The following AQR variants were observed in gnomAD, a reference collection of about 807,000 sequenced individuals.
The protein encoded by AQR is RNA helicase aquarius.
A neutral mutation model predicts 180.5 loss-of-function variants in AQR; 61 were observed. The observed-to-expected ratio is 0.34, with a 90% confidence interval of 0.28 to 0.42. The LOEUF (loss-of-function observed/expected upper bound fraction) is 0.42, where lower values mean the gene tolerates loss of function less well. Among genes scored for constraint, AQR ranks in the 10% least tolerant of loss-of-function variants. The pLI is 1.00. For synonymous variants in AQR, 551 were observed against 588.8 expected (o/e 0.94, Z 0.93); for missense variants, 1,281 against 1,798.3 (o/e 0.71, Z 5.20).
In AQR at chr15:34,894,393, A is replaced by G. The variant is rs79965348; in HGVS notation, c.2461-620T>C. On this transcript the variant is annotated intron_variant, in intron 22 of 34. Coordinates refer to ENST00000156471, the MANE Select transcript of AQR (RefSeq NM_014691.3). ...GGAAGAACTATCAACCCACAATTCT[A>G]TCTCCAGGTAAAATATCTTTTAAGA... Among the ~76,000 whole-genome samples the G allele has an allele frequency of 9.3e-3, 1,414 of 152,292 alleles. 22 individuals carry two copies. The highest frequency in any genetic ancestry group is 0.032 in the African/African-American group (1,349 of 41,554).
chr15:34,866,935 A>AAAGTAAT (rs1892744620), intron 32 of AQR, among the ~76,000 whole-genome samples: 1 of 152,138 alleles, frequency 6.6e-6, no homozygotes, highest in African/African-American at 2.4e-5. Context: ...GTAATAAAAT[A>AAAGTAAT]AACTCTCCTT....
rs376525584 is a variant in AQR at position 34,886,591 on chromosome 15, T to C, written c.2752A>G (p.Ser918Gly). The C allele has an allele frequency of 5.0e-6, 8 of 1,613,932 alleles. No homozygotes were observed. Among genetic ancestry groups the C allele is most frequent in the Non-Finnish European group, 6.8e-6 (8 of 1,179,984 alleles). ...LLEEVKRLQK[S>G]LGVPGDASYT... ...GAGGCATCTCCTGGAACCCCTAGAC[T>C]CTTTTGCAATCGTTTGACTTCTTCT... Residue 918 changes from serine (S) to glycine (G), a missense_variant, in exon 25 of 35, where the codon AGT becomes GGT. Transcript: ENST00000156471.
At chr15:34,857,203 G>T (rs1892599080) in intron 34 of AQR, 97 bp from the exon 35 acceptor site, 1 of 1,203,680 alleles carries the variant, frequency 8.3e-7, no homozygotes, top group Non-Finnish European at 1.1e-6. Flanking sequence ...CCAAAACAGT[G>T]CTGACCATTT....
chr15:34,922,347 T>G (rs190249514), intron 13 of AQR, among the ~76,000 whole-genome samples: 5 of 152,298 alleles, frequency 3.3e-5, no homozygotes, highest in African/African-American at 1.2e-4. Flanking sequence ...TACATATTTT[T>G]GTGTGAACAT....
intron 24 of AQR, 103 bp downstream of exon 24, chr15:34,890,112 G>A: frequency 1.0e-6 from 1 of 991,324 alleles, no homozygotes; most frequent in Non-Finnish European, 1.5e-6. Flanking sequence ...GAACCTTTCA[G>A]AATTAAGTTT....
In AQR at chr15:34,882,586, A is replaced by T; in HGVS notation, c.3081T>A (p.Leu1027=). Residue 1027 remains leucine, a synonymous_variant, in exon 27 of 35, where the codon CTT becomes CTA. Coordinates refer to ENST00000156471, the MANE Select transcript of AQR (RefSeq NM_014691.3). The part of the protein sequence containing the change: ...LRSGLDRSKY[L]LVKEAKIIAM... ...CAATAATTTTGGCTTCTTTCACTAA[A>T]AGGTATTTAGATCTGTCCAGTCCAC... 1 of 1,613,424 alleles carries T rather than the reference A, an allele frequency of 6.2e-7. No individual in the cohort carries two copies. The highest frequency in any genetic ancestry group is 8.5e-7 in the Non-Finnish European group (1 of 1,179,692).
intron 34 of AQR, among the ~76,000 whole-genome samples, chr15:34,858,755 G>A (rs1370659645): frequency 6.6e-6 from 1 of 152,152 alleles, no homozygotes; most frequent in Non-Finnish European, 1.5e-5. Context: ...ACAGAATAAT[G>A]GAACAGAATA....
chr15:34,907,217 A>G (rs570885100), intron 17 of AQR, among the ~76,000 whole-genome samples: 8 of 152,356 alleles, frequency 5.3e-5, no homozygotes, highest in African/African-American at 1.9e-4. Flanking sequence ...TACAGGTATG[A>G]TCTTGAGAAA....
chr15:34,921,433 C>CAAAAAAA (rs71119990), intron 13 of AQR, among the ~76,000 whole-genome samples: 3 of 74,912 alleles, frequency 4.0e-5, no homozygotes, highest in Non-Finnish European at 5.7e-5. Context: ...GACTCCATCT[C>CAAAAAAA]AAAAAAAAAA....
chr15:34,942,954 T>C (rs1894048344), intron 6 of AQR: 1 of 1,056,372 alleles, frequency 9.5e-7, no homozygotes, highest in Non-Finnish European at 1.4e-6. Flanking sequence ...AAATTACTAA[T>C]ACTAATAAAA....
At chr15:34,927,760 G>A (rs540275978) in intron 12 of AQR, among the ~76,000 whole-genome samples, 2 of 152,306 alleles carry the variant, frequency 1.3e-5, no homozygotes, top group African/African-American at 4.8e-5. Context: ...AAAAGATCCG[G>A]AAGTTTTCAT....
At chr15:34,927,922 C>T (rs945090930) in intron 12 of AQR, among the ~76,000 whole-genome samples, 1 of 152,130 alleles carries the variant, frequency 6.6e-6, no homozygotes, top group Admixed American at 6.5e-5. Context: ...CAAGTCAGTC[C>T]TCAGGAGAAT....
At chr15:34,877,179 C>T (rs1483114900) in intron 27 of AQR, among the ~76,000 whole-genome samples, 1 of 152,094 alleles carries the variant, frequency 6.6e-6, no homozygotes, top group Non-Finnish European at 1.5e-5. Flanking sequence ...TCTATCTGTC[C>T]AATTCTCATT....
chr15:34,956,087 A>T lies in AQR; in HGVS notation c.174-3167T>A, dbSNP rs77393654. ...TCTGGAACACCGACAATGTTCGTGG[A>T]GTTTTTCAGCCTAGGTGGTGGTTAT... On this transcript the variant is annotated intron_variant, in intron 3 of 34. Transcript: ENST00000156471. Among the ~76,000 whole-genome samples, 496 of 152,236 alleles carry T rather than the reference A, an allele frequency of 3.3e-3. 4 individuals carry two copies. The highest frequency in any genetic ancestry group is 8.1e-3 in the Admixed American group (124 of 15,280).
intron 5 of AQR, among the ~76,000 whole-genome samples, chr15:34,946,198 G>A (rs1894110599): frequency 1.3e-5 from 2 of 152,186 alleles, no homozygotes; most frequent in Non-Finnish European, 2.9e-5. Flanking sequence ...TGGAACCTGG[G>A]AGGCAGATGT....
chr15:34,897,775 A>T lies in AQR; in HGVS notation c.2244-70T>A. 2.0e-6 allele frequency: 3 copies of T among 1,481,634 alleles called. No homozygotes were observed. In the South Asian group the frequency reaches 3.5e-5, roughly 17 times the overall value. The allele number at this position is 1,481,634 out of a possible 1,614,324, so 91.8% of individuals were successfully genotyped here. On this transcript the variant is annotated intron_variant, in intron 20 of 34. Coordinates refer to ENST00000156471, the MANE Select transcript of AQR (RefSeq NM_014691.3). ...TTACTGAGTACCTATCTGGTGCATG[A>T]CATTGTATGCACGATAATCAGAGGA...
intron 22 of AQR, 23 bp from the exon 23 acceptor site, chr15:34,893,796 G>A: frequency 1.3e-6 from 2 of 1,588,518 alleles, no homozygotes; most frequent in Non-Finnish European, 8.6e-7. Context: ...TGAACACATA[G>A]CAAACTACTA....
At chr15:34,862,606 C>T (rs974961528) in intron 33 of AQR, among the ~76,000 whole-genome samples, 1 of 151,974 alleles carries the variant, frequency 6.6e-6, no homozygotes, top group African/African-American at 2.4e-5. Flanking sequence ...CTATGTTGCC[C>T]AGGCTGGTCT....
intron 10 of AQR, among the ~76,000 whole-genome samples, chr15:34,933,001 A>G (rs1332419650): frequency 1.3e-5 from 2 of 152,170 alleles, no homozygotes; most frequent in African/African-American, 4.8e-5. Context: ...AATCTCACAG[A>G]TCATCTTGGC....
Sources: gnomAD v4.1 joint callset for allele counts (sites outside exome capture counted in the v4.1 genomes callset) on GRCh38, gnomAD v4.1.1 for gene constraint, MANE v1.5 for transcripts, NCBI Gene and HGNC (gene_info 2026-07-23, HGNC 2026-07-21) for gene names.